Variants in FSTL5 observed in about 807,000 individuals in gnomAD.
FSTL5 encodes follistatin like 5.
A neutral mutation model predicts 89.1 loss-of-function variants in FSTL5; 62 were observed. The observed-to-expected ratio is 0.70, with a 90% confidence interval of 0.57 to 0.86. The LOEUF (loss-of-function observed/expected upper bound fraction) is 0.86. Among genes scored for constraint, FSTL5 ranks in the 40% least tolerant of loss-of-function variants. The pLI, the probability that FSTL5 is intolerant of heterozygous loss-of-function variation, is 0.00. For missense variants in FSTL5, 1,057 were observed against 1,001.6 expected (o/e 1.06, Z -0.75); for synonymous variants, 383 against 346.2 (o/e 1.11, Z -1.18).
intron 15 of FSTL5, among the ~76,000 whole-genome samples, chr4:161,390,883 C>T (rs755009274): frequency 6.6e-6 from 1 of 152,134 alleles, no homozygotes; most frequent in South Asian, 2.1e-4. Flanking sequence ...TGTTTACCCA[C>T]TGAGGCTCAA....
intron 8 of FSTL5, among the ~76,000 whole-genome samples, chr4:161,559,292 C>T (rs990601395): frequency 4.6e-5 from 7 of 151,756 alleles, no homozygotes; most frequent in Non-Finnish European, 1.0e-4. Flanking sequence ...TTTCTGATGA[C>T]TCCTAAAATA....
At chr4:161,917,245 C>T (rs1463287954) in intron 4 of FSTL5, among the ~76,000 whole-genome samples, 5 of 152,250 alleles carry the variant, frequency 3.3e-5, no homozygotes, top group East Asian at 1.9e-4. Context: ...CATGAGCCAC[C>T]GCGCCCAACC....
At chr4:161,774,368 T>C (rs1560837585) in intron 5 of FSTL5, among the ~76,000 whole-genome samples, 1 of 152,170 alleles carries the variant, frequency 6.6e-6, no homozygotes, top group Non-Finnish European at 1.5e-5. Context: ...AACTTCCAAC[T>C]TCCAGGATTG....
At chr4:162,147,993 G>A (rs370534753) in intron 1 of FSTL5, among the ~76,000 whole-genome samples, 14 of 151,982 alleles carry the variant, frequency 9.2e-5, no homozygotes, top group East Asian at 1.9e-4. Flanking sequence ...CAACAAGAGC[G>A]AAACTCTGCC....
intron 1 of FSTL5, among the ~76,000 whole-genome samples, chr4:162,160,781 T>C (rs1478442337): frequency 6.6e-6 from 1 of 151,708 alleles, no homozygotes; most frequent in African/African-American, 2.4e-5. Context: ...AGATTTATTA[T>C]GACTTGTATT....
At chr4:162,139,690 T>C (rs549483462) in intron 1 of FSTL5, among the ~76,000 whole-genome samples, 1 of 152,236 alleles carries the variant, frequency 6.6e-6, no homozygotes, top group Admixed American at 6.5e-5. Context: ...CTATTAACTA[T>C]GAAAAGCCAT....
intron 7 of FSTL5, among the ~76,000 whole-genome samples, chr4:161,608,048 G>A (rs1330666798): frequency 1.3e-5 from 2 of 152,086 alleles, no homozygotes; most frequent in Non-Finnish European, 2.9e-5. Flanking sequence ...CTCATTTTAA[G>A]AAATTGGAGA....
chr4:161,809,905 C>T (rs530374289), intron 4 of FSTL5, among the ~76,000 whole-genome samples: 2 of 152,104 alleles, frequency 1.3e-5, no homozygotes, highest in East Asian at 1.9e-4. Context: ...GAAGATGAGG[C>T]GTGATGATAG....
chr4:161,869,645 C>T (rs1269867132), intron 4 of FSTL5, among the ~76,000 whole-genome samples: 1 of 152,132 alleles, frequency 6.6e-6, no homozygotes, highest in Non-Finnish European at 1.5e-5. Flanking sequence ...AGGTCACTGT[C>T]GGATACACAT....
At chr4:162,041,327 CAG>C (rs1444469220) in intron 2 of FSTL5, among the ~76,000 whole-genome samples, 1 of 151,204 alleles carries the variant, frequency 6.6e-6, no homozygotes, top group Non-Finnish European at 1.5e-5. Context: ...GACTGCAAAA[CAG>C]CAAATAGTGT....
chr4:162,114,710 T>C (rs1446183493), intron 1 of FSTL5, among the ~76,000 whole-genome samples: 1 of 152,178 alleles, frequency 6.6e-6, no homozygotes, highest in African/African-American at 2.4e-5. Context: ...TCCTGAAATA[T>C]TTTATCTACC....
chr4:161,633,166 A>C (rs2126658143), intron 7 of FSTL5, among the ~76,000 whole-genome samples: 1 of 151,956 alleles, frequency 6.6e-6, no homozygotes, highest in South Asian at 2.1e-4. Context: ...TAAATTTATT[A>C]AAATAGCAAA....
intron 3 of FSTL5, among the ~76,000 whole-genome samples, chr4:161,990,642 T>G (rs1389488886): frequency 6.6e-6 from 1 of 152,136 alleles, no homozygotes; most frequent in African/African-American, 2.4e-5. Flanking sequence ...CAATTAGATA[T>G]GAAAATTTAT....
rs1038043574 is a variant in FSTL5, at chr4:161,474,695, G to A, written c.1608+6325C>T. Among the ~76,000 whole-genome samples the A allele has an allele frequency of 5.3e-5, 8 of 151,896 alleles. No homozygotes were observed. In the East Asian group the frequency reaches 7.8e-4, roughly 15 times the overall value. ...TAAGTAGCTGGGACTACAGGCACCC[G>A]CCACCACGCCTGGCTAATTTTTCGT... On this transcript the variant is annotated intron_variant, in intron 13 of 15. Coordinates refer to ENST00000306100, the MANE Select transcript of FSTL5 (RefSeq NM_020116.5).
chr4:161,949,265 C>T (rs1342462002), intron 3 of FSTL5, among the ~76,000 whole-genome samples: 1 of 152,114 alleles, frequency 6.6e-6, no homozygotes, highest in Admixed American at 6.6e-5. Context: ...CTTGGATAAT[C>T]CAGAATAATC....
chr4:162,020,926 A>T (rs116245897), intron 3 of FSTL5, among the ~76,000 whole-genome samples: 14 of 152,068 alleles, frequency 9.2e-5, no homozygotes, highest in Admixed American at 3.9e-4. Flanking sequence ...TCATGTTTTA[A>T]TTTTACTTTT....
chr4:161,657,084 A>G (rs994758826), intron 6 of FSTL5, among the ~76,000 whole-genome samples: 3 of 152,224 alleles, frequency 2.0e-5, no homozygotes, highest in Non-Finnish European at 4.4e-5. Context: ...TTAAAGATAC[A>G]TATCATATTT....
chr4:162,114,670 T>A (rs935489692), intron 1 of FSTL5, among the ~76,000 whole-genome samples: 1 of 152,078 alleles, frequency 6.6e-6, no homozygotes, highest in Non-Finnish European at 1.5e-5. Context: ...TTCTGTTAGA[T>A]CCCATGCATT....
chr4:162,084,896 T>A (rs1045988923), intron 2 of FSTL5, among the ~76,000 whole-genome samples: 3 of 152,028 alleles, frequency 2.0e-5, no homozygotes, highest in Admixed American at 6.6e-5. Context: ...ACATTCTGCA[T>A]ATGTACCCCA....
Sources: allele counts gnomAD v4.1 joint callset (sites outside exome capture counted in the v4.1 genomes callset), GRCh38; gene constraint gnomAD v4.1.1; transcripts MANE v1.5; gene names NCBI Gene and HGNC (gene_info 2026-07-23, HGNC 2026-07-21).